Variants in KIAA0040 observed in about 807,000 individuals in gnomAD.
The protein encoded by KIAA0040 is uncharacterized protein KIAA0040.
A neutral mutation model predicts 7.2 loss-of-function variants in KIAA0040; 10 were observed. The observed-to-expected ratio is 1.38, with a 90% CI of 0.85 to 2.34. The LOEUF is 2.34. KIAA0040 is among the 30% of genes most tolerant of loss of function. KIAA0040 has a pLI of 0.00. For synonymous variants in KIAA0040, 49 were observed against 40.1 expected, an observed-to-expected ratio of 1.22 and a Z score of -0.84; for missense variants, 89 against 108.2, an observed-to-expected ratio of 0.82 and a Z score of 0.79.
intron 2 of KIAA0040, among the ~76,000 whole-genome samples, chr1:175,167,635 T>C (rs1415646556): frequency 6.6e-6 from 1 of 152,070 alleles, no homozygotes; most frequent in East Asian, 1.9e-4. Context: ...CTCTGACGTG[T>C]GAGAGGACAG....
chr1:175,185,055 C>G lies in KIAA0040; in HGVS notation c.-383-7371G>C, dbSNP rs531365869. On this transcript the variant is annotated intron_variant, in intron 1 of 3. Transcript: ENST00000423313. Reference sequence around the variant, plus strand: ...ATAGGGATGTTACAGGTTGAATATCCCTAATCTGAAAATCCAAAACCCAAA... The same window carrying G: ...ATAGGGATGTTACAGGTTGAATATCGCTAATCTGAAAATCCAAAACCCAAA... 8.9e-4 allele frequency among the ~76,000 whole-genome samples: 136 copies of G among 152,120 alleles called. 2 individuals carry two copies. Among genetic ancestry groups the G allele is most frequent in the African/African-American group, 3.3e-3 (135 of 41,474 alleles).
At chr1:175,185,259 C>T (rs1677611953) in intron 1 of KIAA0040, among the ~76,000 whole-genome samples, 1 of 151,996 alleles carries the variant, frequency 6.6e-6, no homozygotes, top group Non-Finnish European at 1.5e-5. Context: ...AAATACTCAA[C>T]CTGTAGTAGT....
chr1:175,164,642 TC>T (rs1676684757), intron 3 of KIAA0040, among the ~76,000 whole-genome samples: 1 of 152,148 alleles, frequency 6.6e-6, no homozygotes, highest in South Asian at 2.1e-4. Context: ...TTGAGGCTGC[TC>T]CCCATACAGC....
rs200292413 is a variant in KIAA0040 at position 175,185,195 on chromosome 1, G to GA, written c.-384+7444dup. Among the ~76,000 whole-genome samples the GA allele has an allele frequency of 4.2e-4, 62 of 149,144 alleles. 1 individual carries two copies. The highest frequency in any genetic ancestry group is 1.3e-3 in the Admixed American group (19 of 14,988). ...GTATAATAAAAATATTCTAAAATCT[G>GA]AAAAAAAAAATCTGAAATCCAAAAC... On this transcript the variant is annotated intron_variant, in intron 1 of 3. Transcript: ENST00000423313.
At position 175,176,789 on chromosome 1, in the gene KIAA0040, C is replaced by G. The variant is rs550673065; in HGVS notation, c.-310+822G>C. On this transcript the variant is annotated intron_variant, in intron 2 of 3. Coordinates refer to ENST00000423313, the MANE Select transcript of KIAA0040 (RefSeq NM_014656.3). Reference sequence around the variant, plus strand: ...GTTGCCTCCATGCAGATATTCTTGTCCCTAGGAATAGCCGTCATCTCTTCC... The same window carrying G: ...GTTGCCTCCATGCAGATATTCTTGTGCCTAGGAATAGCCGTCATCTCTTCC... Among the ~76,000 whole-genome samples, 11 of 139,708 alleles carry G rather than the reference C, an allele frequency of 7.9e-5. No homozygotes were observed. In the East Asian group the frequency reaches 9.1e-4, roughly 12 times the overall value. The allele number at this position is 139,708 out of a possible 152,430, so 91.7% of individuals were successfully genotyped here. A position where few individuals can be genotyped will look rare whatever the true frequency, so the allele number is the denominator to read the frequency against.
intron 2 of KIAA0040, among the ~76,000 whole-genome samples, chr1:175,169,348 T>A (rs1194353131): frequency 2.0e-5 from 3 of 152,192 alleles, no homozygotes; most frequent in Non-Finnish European, 4.4e-5. Context: ...GCTCTCCCAC[T>A]CACTAGCTGT....
chr1:175,171,719 C>T (rs573647499), intron 2 of KIAA0040, among the ~76,000 whole-genome samples: 1 of 152,312 alleles, frequency 6.6e-6, no homozygotes, highest in African/African-American at 2.4e-5. Flanking sequence ...AAATAATCAC[C>T]TACCTTCCTT....
In KIAA0040 at chr1:175,166,756, A is replaced by C. The variant is rs1307589931; in HGVS notation, c.-309-19T>G. ...GCCCAGTCTAGCAAGGGGGAGAAAT[A>C]AAAATAGAAGTATAGTGTGATGAGT... On this transcript the variant is annotated intron_variant, in intron 2 of 3. Transcript: ENST00000423313. 2.0e-5 allele frequency: 3 copies of C among 152,266 alleles called. No homozygotes were observed. The highest frequency in any genetic ancestry group is 4.4e-5 in the Non-Finnish European group (3 of 68,084). The allele number at this position is 152,266 out of a possible 1,614,324, so 9.4% of individuals were successfully genotyped here.
intron 1 of KIAA0040, among the ~76,000 whole-genome samples, chr1:175,178,978 G>GT (rs980702363): frequency 6.7e-6 from 1 of 149,122 alleles, no homozygotes; most frequent in African/African-American, 2.5e-5. Flanking sequence ...GGCGGGGGGG[G>GT]GGATATCATG....
intron 2 of KIAA0040, among the ~76,000 whole-genome samples, chr1:175,176,669 C>CTGTTTTT (rs1677203756): frequency 7.3e-5 from 2 of 27,440 alleles, no homozygotes; most frequent in African/African-American, 1.7e-4. Flanking sequence ...AAGTAGCATG[C>CTGTTTTT]TTTTTTTTTT....
At chr1:175,175,058 C>T (rs1003727916) in intron 2 of KIAA0040, among the ~76,000 whole-genome samples, 9 of 152,138 alleles carry the variant, frequency 5.9e-5, no homozygotes, top group Non-Finnish European at 1.2e-4. Context: ...TTGAGTGGGG[C>T]GTTGCCTTTT....
At chr1:175,161,267 A>T (rs1676531926) in intron 3 of KIAA0040, 121 bp from the exon 4 acceptor site, 1 of 397,838 alleles carries the variant, frequency 2.5e-6, no homozygotes, top group African/African-American at 2.0e-5. Context: ...AGGGTTCAGT[A>T]AACTTGTATT....
chr1:175,177,329 C>A (rs894542438), intron 2 of KIAA0040, among the ~76,000 whole-genome samples: 1 of 152,218 alleles, frequency 6.6e-6, no homozygotes, highest in Non-Finnish European at 1.5e-5. Flanking sequence ...GAATGTTAGA[C>A]CCTGCCCATG....
chr1:175,161,200 A>C, intron 3 of KIAA0040, 54 bp from the exon 4 acceptor site: 1 of 536,078 alleles, frequency 1.9e-6, no homozygotes, highest in Non-Finnish European at 3.3e-6. Flanking sequence ...CTGGTCTACA[A>C]TTTTAATAGT....
Position 175,158,226 on chromosome 1 carries a change from G to A in KIAA0040, c.*2488C>T, listed in dbSNP as rs1485230840. The A allele has an allele frequency of 1.3e-5, 2 of 152,352 alleles. No individual in the cohort carries two copies. The highest frequency in any genetic ancestry group is 4.8e-5 in the African/African-American group (2 of 41,438). The allele number at this position is 152,352 out of a possible 1,614,324, so 9.4% of individuals were successfully genotyped here. A position where few individuals can be genotyped will look rare whatever the true frequency, so the allele number is the denominator to read the frequency against. ...ATGGGGAAAAGAGAGGCCCCATTCT[G>A]GGTTTGGCTCTTCTGAGTCATCGGC... On this transcript the variant is annotated 3_prime_UTR_variant, in exon 4 of 4. Coordinates refer to ENST00000423313, the MANE Select transcript of KIAA0040 (RefSeq NM_014656.3).
chr1:175,183,019 T>C (rs746169742), intron 1 of KIAA0040, among the ~76,000 whole-genome samples: 12 of 152,228 alleles, frequency 7.9e-5, no homozygotes, highest in Non-Finnish European at 1.5e-4. Flanking sequence ...AAGTGAGGAA[T>C]GCTCAGGCCT....
At chr1:175,164,194 T>C (rs1200074097) in intron 3 of KIAA0040, among the ~76,000 whole-genome samples, 1 of 152,196 alleles carries the variant, frequency 6.6e-6, no homozygotes. Flanking sequence ...CAGGAAAAGA[T>C]AACAAGATCT....
At chr1:175,188,788 C>T (rs114127583) in intron 1 of KIAA0040, among the ~76,000 whole-genome samples, 202 of 152,346 alleles carry the variant, frequency 1.3e-3, no homozygotes, top group African/African-American at 4.8e-3. Flanking sequence ...TGAGAACTAC[C>T]TGCATCCCTT....
intron 2 of KIAA0040, among the ~76,000 whole-genome samples, chr1:175,167,980 C>T (rs988303945): frequency 5.9e-5 from 9 of 152,032 alleles, no homozygotes; most frequent in Admixed American, 3.9e-4. Flanking sequence ...CCTTATTCAA[C>T]CCCAGGCCTC....
Sources: gnomAD v4.1 joint callset for allele counts (sites outside exome capture counted in the v4.1 genomes callset) on GRCh38, gnomAD v4.1.1 for gene constraint, MANE v1.5 for transcripts, NCBI Gene and HGNC (gene_info 2026-07-23, HGNC 2026-07-21) for gene names.